KRT13: variants seen among roughly 807,000 people sequenced by gnomAD.
KRT13 encodes the protein keratin, type I cytoskeletal 13.
A neutral mutation model predicts 40.6 loss-of-function variants in KRT13; 27 were observed. That is an observed-to-expected ratio of 0.67 (90% CI 0.49 to 0.92). The LOEUF (loss-of-function observed/expected upper bound fraction) is 0.92. Ranked by LOEUF, KRT13 falls within the 40% of genes least tolerant of loss-of-function variation. The pLI is 0.00. For missense variants in KRT13, 605 were observed against 611.5 expected (o/e 0.99, Z 0.11); for synonymous variants, 266 against 240.3 (o/e 1.11, Z -0.99).
At chr17:41,501,537 G>A (rs1031379769) in intron 7 of KRT13, 175 bp from the exon 8 acceptor site, 1 of 1,181,542 alleles carries the variant, frequency 8.5e-7, no homozygotes, top group Non-Finnish European at 1.2e-6. Flanking sequence ...CTGTGGGGCA[G>A]AGCCATCAGT....
In KRT13 at chr17:41,505,142, G is replaced by A. The variant is rs142183272; in HGVS notation, c.409C>T (p.Arg137Cys). The A allele has an allele frequency of 4.8e-4, 770 of 1,614,182 alleles. 4 individuals carry two copies. Among genetic ancestry groups the A allele is most frequent in the Middle Eastern group, 1.6e-4 (1 of 6,062 alleles). The change falls in exon 1 of 8, where the codon CGT becomes TGT. Residue 137 changes from arginine to cysteine, a missense_variant. By Grantham distance (180) the Arg-to-Cys change is radical (BLOSUM62 -3). Coordinates refer to ENST00000246635, the MANE Select transcript of KRT13 (RefSeq NM_153490.3). ...EANADLEVKI[R>C]DWHLKQSPAS... is the part of the protein sequence containing the mutation. ...GGGCTCTGCTTCAGGTGCCAGTCAC[G>A]GATCTTCACCTCCAGGTCAGCGTTG... is the stretch of plus-strand genomic sequence containing the variant.
chr17:41,505,234 ATCT>A lies in KRT13; in HGVS notation c.314_316del (p.Lys105del). On this transcript the variant is annotated inframe_deletion, in exon 1 of 8. Coordinates refer to ENST00000246635, the MANE Select transcript of KRT13 (RefSeq NM_153490.3). The stretch of plus-strand genomic sequence containing the variant: ...GCGGTCGTTGAGGTTCTGCATGGTG[ATCT>A]TCTCATTGCCAGTGAGGAGGCCGCC... The A allele has an allele frequency of 6.2e-7, 1 of 1,613,958 alleles. No homozygotes were observed. Among genetic ancestry groups the A allele is most frequent in the South Asian group, 1.1e-5 (1 of 91,080 alleles).
At chr17:41,504,008 G>A in intron 1 of KRT13, 4 of 431,268 alleles carry the variant, frequency 9.3e-6, no homozygotes, top group Non-Finnish European at 1.3e-5. Context: ...GGGTCCACGT[G>A]CTTGAGGAGG....
Position 41,502,627 on chromosome 17 carries a change from G to A in KRT13, c.1024-33C>T, listed in dbSNP as rs773710186. The A allele has an allele frequency of 6.2e-6, 10 of 1,612,952 alleles. No homozygotes were observed. The African/African-American group carries it at 1.3e-4, about 22-fold the overall frequency. ...AGCGACAGACAAGAAGTTACAGAGG[G>A]AGCCAGGCCAGAGGGAAACCTAGAG... is the stretch of plus-strand genomic sequence containing the variant. On this transcript the variant is annotated intron_variant, in intron 5 of 7. Transcript: ENST00000246635.
intron 4 of KRT13, 52 bp downstream of exon 4, chr17:41,502,885 C>T (rs1040970876): frequency 1.9e-5 from 30 of 1,613,274 alleles, no homozygotes; most frequent in East Asian, 2.2e-5. Context: ...TGTGTCCGCC[C>T]GGCCCCCCTG....
At chr17:41,504,285 C>T (rs898524632) in intron 1 of KRT13, 1 of 165,838 alleles carries the variant, frequency 6.0e-6, no homozygotes, top group African/African-American at 2.4e-5. Context: ...GACTAGCACC[C>T]TCCCTAGGCC....
At chr17:41,505,031 C>A (rs761613318) in intron 1 of KRT13, 25 bp downstream of exon 1, 5 of 1,613,554 alleles carry the variant, frequency 3.1e-6, no homozygotes, top group Non-Finnish European at 4.2e-6. Context: ...CATGGAGGAC[C>A]CCTCCTCAGC....
In KRT13 at chr17:41,503,270, C is replaced by G. The variant is rs747286637; in HGVS notation, c.735+17G>C. ...TGGAGGTTGTTGAGCCCAGGGCAGC[C>G]TGCAATTCCCGCTCACCTCTTCATG... On this transcript the variant is annotated intron_variant, in intron 3 of 7. Transcript: ENST00000246635. 6.2e-7 allele frequency: 1 copy of G among 1,614,062 alleles called. No individual in the cohort carries two copies. The highest frequency in any genetic ancestry group is 8.5e-7 in the Non-Finnish European group (1 of 1,179,976).
intron 6 of KRT13, chr17:41,501,993 C>A: frequency 7.0e-7 from 1 of 1,427,088 alleles, no homozygotes. Flanking sequence ...GGGTGTTTGT[C>A]TTCCCTCTGG....
chr17:41,505,214 C>T lies in KRT13; in HGVS notation c.337G>A (p.Asp113Asn), dbSNP rs886052908. Reference sequence around the variant, plus strand: ...TTCTCCAGGTAGGAAGCCAGGCGGTCGTTGAGGTTCTGCATGGTGATCTTC... The same window carrying T: ...TTCTCCAGGTAGGAAGCCAGGCGGTTGTTGAGGTTCTGCATGGTGATCTTC... ...NEKITMQNLN[D>N]RLASYLEKVR... The change falls in exon 1 of 8, where the codon GAC becomes AAC. Residue 113 changes from aspartate (D) to asparagine (N), a missense_variant. Physicochemically the swap from Asp to Asn is conservative, Grantham distance 23 (BLOSUM62 1). Coordinates refer to ENST00000246635, the MANE Select transcript of KRT13 (RefSeq NM_153490.3). The T allele has an allele frequency of 3.7e-6, 6 of 1,614,100 alleles. No individual in the cohort carries two copies. Among genetic ancestry groups the T allele is most frequent in the African/African-American group, 2.7e-5 (2 of 74,930 alleles).
chr17:41,503,630 A>G lies in KRT13; in HGVS notation c.578+13T>C. 2 of 1,612,472 alleles carry G rather than the reference A, an allele frequency of 1.2e-6. No individual in the cohort carries two copies. Among genetic ancestry groups the G allele is most frequent in the South Asian group, 1.1e-5 (1 of 91,050 alleles). ...CCTGGGAAAGGAGAGGGAGGGGGAA[A>G]AAAAAAACTCACTTGAGCCTGAAGT... is the stretch of plus-strand genomic sequence containing the variant. On this transcript the variant is annotated intron_variant, in intron 2 of 7. Transcript: ENST00000246635.
At position 41,501,711 on chromosome 17, in the gene KRT13, T is replaced by C. The variant is rs552325168; in HGVS notation, c.1270+8A>G. The C allele has an allele frequency of 9.8e-4, 1,549 of 1,583,804 alleles. 30 individuals are homozygous for C. The South Asian group carries it at 0.017, about 17-fold the overall frequency. On this transcript the variant is annotated splice_region_variant and intron_variant, in intron 7 of 7. Transcript: ENST00000246635. ...GCCTCCCCCTACACCACGGGGCTGT[T>C]CCCTTACCTGCTGAGGAAGGGAAAC...
At chr17:41,504,134 G>A in intron 1 of KRT13, 1 of 263,548 alleles carries the variant, frequency 3.8e-6, no homozygotes. Context: ...TGTAAAGTGA[G>A]GAGTGGGGCT....
Position 41,501,190 on chromosome 17 carries a change from G to C in KRT13, c.*66C>G, listed in dbSNP as rs1904834107. ...GGTCCAGCAGCCCCTCCTCTCTCCT[G>C]CAGGGAACTGCCGGCTCTCTCCTCC... On this transcript the variant is annotated 3_prime_UTR_variant, in exon 8 of 8. Transcript: ENST00000246635. The C allele has an allele frequency of 6.7e-6, 8 of 1,193,178 alleles. No individual in the cohort carries two copies. In the Admixed American group the frequency reaches 1.6e-4, roughly 24 times the overall value. 73.9% of individuals were successfully genotyped at this position (1,193,178 alleles called of 1,614,324 possible).
chr17:41,502,888 C>T, intron 4 of KRT13, 49 bp downstream of exon 4: 1 of 1,613,966 alleles, frequency 6.2e-7, no homozygotes, highest in South Asian at 1.1e-5. Flanking sequence ...GTCCGCCCGG[C>T]CCCCCTGGCT....
chr17:41,501,976 A>G (rs1904867370), intron 6 of KRT13: 12 of 1,433,296 alleles, frequency 8.4e-6, no homozygotes, highest in Non-Finnish European at 1.1e-5. Context: ...ATTAGCCACA[A>G]GATTCAGGGT....
At chr17:41,501,456 G>T in intron 7 of KRT13, 94 bp from the exon 8 acceptor site, 1 of 1,134,008 alleles carries the variant, frequency 8.8e-7, no homozygotes, top group Non-Finnish European at 1.3e-6. Context: ...CTCCTCATTA[G>T]TCAGGTGGTG....
In KRT13 at chr17:41,502,535, C is replaced by T. The variant is rs375900245; in HGVS notation, c.1083G>A (p.Gln361=). 6.2e-7 allele frequency: 1 copy of T among 1,613,876 alleles called. No individual in the cohort carries two copies. Among genetic ancestry groups the T allele is most frequent in the African/African-American group, 1.3e-5 (1 of 74,946 alleles). The part of the protein sequence containing the change: ...ETECRYALQL[Q]QIQGLISSIE... ...TGCTGCTGATGAGTCCCTGGATCTG[C>T]TGCAGCTGCAGGGCATAGCGGCACT... The change falls in exon 6 of 8, where the codon CAG becomes CAA. Residue 361 remains glutamine, a synonymous_variant. Coordinates refer to ENST00000246635, the MANE Select transcript of KRT13 (RefSeq NM_153490.3).
chr17:41,505,062 C>A lies in KRT13; in HGVS notation c.489G>T (p.Arg163=), dbSNP rs1417511417. The A allele has an allele frequency of 6.2e-7, 1 of 1,614,066 alleles. No homozygotes were observed. Among genetic ancestry groups the A allele is most frequent in the Non-Finnish European group, 8.5e-7 (1 of 1,180,026 alleles). Residue 163 remains arginine, a synonymous_variant, in exon 1 of 8, where the codon CGG becomes CGT. Transcript: ENST00000246635. Reference sequence around the variant, plus strand: ...TCAGCTTCCAAGGGCTCACCTTGTCCCGGAGCTCTTCAATGGTCTTGTAGT... The same window carrying A: ...TCAGCTTCCAAGGGCTCACCTTGTCACGGAGCTCTTCAATGGTCTTGTAGT... The part of the protein sequence containing the change: ...SPYYKTIEEL[R]DKILTATIEN...
Sources: gnomAD v4.1 joint callset for allele counts on GRCh38, gnomAD v4.1.1 for gene constraint, MANE v1.5 for transcripts, NCBI Gene and HGNC (gene_info 2026-07-23, HGNC 2026-07-21) for gene names.